The following BABAM2 variants were observed in gnomAD, a reference collection of about 807,000 sequenced individuals.
BABAM2 encodes BRISC and BRCA1 A complex member 2, also known as BRISC and BRCA1-A complex member 2.
In BABAM2, 31 loss-of-function variants were observed where a neutral mutation model predicts 54.7. The ratio of observed to expected loss-of-function variants is 0.57; its 90% confidence interval spans 0.43 to 0.77. BABAM2 has a LOEUF of 0.77. BABAM2 is among the 30% of genes least tolerant of loss of function. BABAM2 has a pLI of 0.00. For missense variants in BABAM2, 364 were observed against 455.8 expected (o/e 0.80, Z 1.83); for synonymous variants, 167 against 162.9 (o/e 1.03, Z -0.19).
chr2:27,899,058 G>A (rs1665564614), intron 2 of BABAM2, among the ~76,000 whole-genome samples: 1 of 151,690 alleles, frequency 6.6e-6, no homozygotes, highest in Admixed American at 6.6e-5. Flanking sequence ...GAGCCCAGGA[G>A]TTTGAGACCA....
At chr2:28,112,197 C>CCCTCCCTTCCTTCCTTCCTTCCTT (rs1558347424) in intron 6 of BABAM2, among the ~76,000 whole-genome samples, 37 of 25,498 alleles carry the variant, frequency 1.5e-3, no homozygotes, top group South Asian at 0.011. Flanking sequence ...CTCCCTCCCT[C>CCCTCCCTTCCTTCCTTCCTTCCTT]CCTTCCTTCC....
intron 8 of BABAM2, among the ~76,000 whole-genome samples, chr2:28,237,999 G>A (rs1906886): frequency 0.63 from 95,318 of 151,896 alleles, 32,111 homozygotes; most frequent in East Asian, 0.99. Context: ...ACAGACACCC[G>A]CCACCAGGCC....
At chr2:28,145,980 G>A (rs529070036) in intron 7 of BABAM2, among the ~76,000 whole-genome samples, 1 of 152,160 alleles carries the variant, frequency 6.6e-6, no homozygotes, top group East Asian at 1.9e-4. Context: ...CCATTCATTA[G>A]GTAGTAGACA....
chr2:28,227,711 C>A (rs1681016718), intron 7 of BABAM2, among the ~76,000 whole-genome samples: 1 of 152,078 alleles, frequency 6.6e-6, no homozygotes, highest in African/African-American at 2.4e-5. Context: ...ATTGACCACA[C>A]CCCTTCCCAT....
chr2:27,974,957 C>G (rs1026888341), intron 3 of BABAM2, among the ~76,000 whole-genome samples: 7 of 151,720 alleles, frequency 4.6e-5, no homozygotes, highest in African/African-American at 1.5e-4. Flanking sequence ...CAATCAGAAA[C>G]AGAAAGTTAA....
chr2:28,101,636 A>C (rs1393367441), intron 6 of BABAM2, among the ~76,000 whole-genome samples: 1 of 152,202 alleles, frequency 6.6e-6, no homozygotes, highest in Non-Finnish European at 1.5e-5. Flanking sequence ...TGCCCCATAT[A>C]GTAAGCCATA....
At chr2:28,160,534 G>T (rs1221507964) in intron 7 of BABAM2, among the ~76,000 whole-genome samples, 1 of 152,106 alleles carries the variant, frequency 6.6e-6, no homozygotes, top group African/African-American at 2.4e-5. Context: ...TCACATACTT[G>T]TGCAATGCAC....
intron 10 of BABAM2, among the ~76,000 whole-genome samples, chr2:28,271,713 C>T (rs1050715832): frequency 1.2e-4 from 18 of 152,166 alleles, no homozygotes; most frequent in African/African-American, 4.1e-4. Flanking sequence ...AAAGGGCCAA[C>T]CAGGCAGGTT....
intron 7 of BABAM2, among the ~76,000 whole-genome samples, chr2:28,139,007 A>G (rs1340513793): frequency 1.3e-5 from 2 of 152,194 alleles, no homozygotes; most frequent in South Asian, 4.1e-4. Flanking sequence ...GAGAAGCCTC[A>G]GTGCCCACCA....
intron 4 of BABAM2, among the ~76,000 whole-genome samples, chr2:27,997,706 A>AT (rs1673267310): frequency 6.6e-6 from 1 of 152,258 alleles, no homozygotes; most frequent in East Asian, 1.9e-4. Flanking sequence ...CCTAAGACAA[A>AT]TAAAAAAAGG....
chr2:28,018,023 A>C (rs1325626332), intron 4 of BABAM2, among the ~76,000 whole-genome samples: 1 of 152,144 alleles, frequency 6.6e-6, no homozygotes, highest in Non-Finnish European at 1.5e-5. Context: ...AGGTTTTGGG[A>C]AACAGGTGGT....
intron 7 of BABAM2, among the ~76,000 whole-genome samples, chr2:28,210,894 A>C (rs1031466379): frequency 6.6e-6 from 1 of 152,230 alleles, no homozygotes; most frequent in East Asian, 1.9e-4. Context: ...ATTTGAGGAG[A>C]ACACTTAACA....
intron 11 of BABAM2, chr2:28,308,414 G>T: frequency 1.5e-5 from 8 of 521,032 alleles, no homozygotes; most frequent in South Asian, 1.1e-4. Context: ...CACTGAGTCA[G>T]CCATGAAGAA....
At chr2:28,038,139 G>T (rs1676799700) in intron 5 of BABAM2, among the ~76,000 whole-genome samples, 1 of 152,080 alleles carries the variant, frequency 6.6e-6, no homozygotes, top group African/African-American at 2.4e-5. Flanking sequence ...GACATAAAGA[G>T]AAAATCTTAA....
chr2:28,108,491 A>G (rs1235035310), intron 6 of BABAM2, among the ~76,000 whole-genome samples: 2 of 152,236 alleles, frequency 1.3e-5, no homozygotes, highest in Non-Finnish European at 2.9e-5. Flanking sequence ...TTTAGAAATT[A>G]AAGAAATATT....
At chr2:27,912,412 A>G (rs928940048) in intron 2 of BABAM2, among the ~76,000 whole-genome samples, 10 of 152,170 alleles carry the variant, frequency 6.6e-5, no homozygotes, top group Non-Finnish European at 1.2e-4. Flanking sequence ...ATGTTTTTGC[A>G]TCATAAAAGT....
At chr2:28,281,230 T>C (rs1686330764) in intron 10 of BABAM2, among the ~76,000 whole-genome samples, 1 of 152,134 alleles carries the variant, frequency 6.6e-6, no homozygotes, top group South Asian at 2.1e-4. Context: ...CCTGGGCTGG[T>C]CCCTATGGAG....
At chr2:28,115,981 G>A (rs1303517978) in intron 6 of BABAM2, among the ~76,000 whole-genome samples, 2 of 151,968 alleles carry the variant, frequency 1.3e-5, no homozygotes, top group Admixed American at 6.6e-5. Flanking sequence ...TGGGCATGGT[G>A]GTGTATGCCT....
chr2:28,128,876 AGG>A (rs1669797742), intron 6 of BABAM2, among the ~76,000 whole-genome samples: 1 of 130,640 alleles, frequency 7.7e-6, no homozygotes, highest in Non-Finnish European at 1.7e-5. Context: ...CTGTCAAGGT[AGG>A]TGTAAGAAAA....
Sources: gnomAD v4.1 joint callset for allele counts (sites outside exome capture counted in the v4.1 genomes callset) on GRCh38, gnomAD v4.1.1 for gene constraint, MANE v1.5 for transcripts, NCBI Gene and HGNC (gene_info 2026-07-23, HGNC 2026-07-21) for gene names.